Variants in ATP9B observed in about 807,000 individuals in gnomAD.
ATP9B encodes ATPase phospholipid transporting 9B, also known as probable phospholipid-transporting ATPase IIB.
ATP9B carries 110 observed loss-of-function variants against 146.1 expected under a neutral mutation model. The observed-to-expected ratio is 0.75, with a 90% CI of 0.65 to 0.88. The LOEUF (loss-of-function observed/expected upper bound fraction) is 0.88. ATP9B is among the 40% of genes least tolerant of loss of function. ATP9B has a pLI of 0.00. For synonymous variants in ATP9B, 604 were observed against 569.7 expected (o/e 1.06, Z -0.86); for missense variants, 1,499 against 1,496.4 (o/e 1.00, Z -0.03).
At position 79,289,281 on chromosome 18, in the gene ATP9B, C is replaced by T. The variant is rs534603562; in HGVS notation, c.1411+12085C>T. The stretch of plus-strand genomic sequence containing the variant: ...CAGACGGAGATTTGGTCTTTTCACA[C>T]AGTCTCATGTTTCTTGGAGGCTTTG... On this transcript the variant is annotated intron_variant, in intron 13 of 29. Coordinates refer to ENST00000426216, the MANE Select transcript of ATP9B (RefSeq NM_198531.5). Among the ~76,000 whole-genome samples, 175 of 152,328 alleles carry T rather than the reference C, an allele frequency of 1.1e-3. 5 individuals carry two copies. In the South Asian group the frequency reaches 0.035, roughly 31 times the overall value.
chr18:79,285,566 T>C (rs1455686046), intron 13 of ATP9B, among the ~76,000 whole-genome samples: 5 of 152,118 alleles, frequency 3.3e-5, no homozygotes, highest in Non-Finnish European at 7.4e-5. Flanking sequence ...ATTTTGTAGG[T>C]TGCCTGTTCA....
chr18:79,324,636 A>AC (rs2096734203), intron 15 of ATP9B, among the ~76,000 whole-genome samples: 1 of 152,180 alleles, frequency 6.6e-6, no homozygotes, highest in East Asian at 1.9e-4. Flanking sequence ...ACAGGTGCTG[A>AC]CCAGGTACCC....
In ATP9B at chr18:79,252,416, C is replaced by T. The variant is rs73973033; in HGVS notation, c.1108-965C>T. 7.1e-3 allele frequency among the ~76,000 whole-genome samples: 750 copies of T among 104,960 alleles called. 10 individuals carry two copies. Among genetic ancestry groups the T allele is most frequent in the African/African-American group, 0.028 (675 of 23,690 alleles). The allele number at this position is 104,960 out of a possible 152,430, so 68.9% of individuals were successfully genotyped here. On this transcript the variant is annotated intron_variant, in intron 11 of 29. Transcript: ENST00000426216. ...GTCACTTCTCCCACCCTTCCTGCAGCGCCGAGTTCCCTCTCATTCCCCCAG... is the reference window on the plus strand; with the variant it reads ...GTCACTTCTCCCACCCTTCCTGCAGTGCCGAGTTCCCTCTCATTCCCCCAG...
intron 10 of ATP9B, among the ~76,000 whole-genome samples, chr18:79,209,260 G>A (rs1350682793): frequency 1.3e-5 from 2 of 152,310 alleles, no homozygotes; most frequent in Non-Finnish European, 2.9e-5. Context: ...CTGACACATG[G>A]GGAGAAGACT....
chr18:79,274,701 A>G (rs1016898042), intron 12 of ATP9B, among the ~76,000 whole-genome samples: 3 of 152,196 alleles, frequency 2.0e-5, no homozygotes, highest in African/African-American at 7.2e-5. Context: ...TTTCGCTAGT[A>G]AGCTGTAAAC....
At chr18:79,360,504 A>G (rs959857127) in intron 26 of ATP9B, 1 of 152,190 alleles carries the variant, frequency 6.6e-6, no homozygotes, top group Non-Finnish European at 1.5e-5. Flanking sequence ...ACTAGTAACT[A>G]ACAAACGATA....
intron 11 of ATP9B, among the ~76,000 whole-genome samples, chr18:79,228,086 CAT>C (rs2095754355): frequency 6.6e-6 from 1 of 152,202 alleles, no homozygotes; most frequent in Admixed American, 6.5e-5. Flanking sequence ...CAATGCAGGA[CAT>C]ATTAGAGCTA....
At chr18:79,145,996 G>A (rs1355774852) in intron 6 of ATP9B, 5 of 126,780 alleles carry the variant, frequency 3.9e-5, no homozygotes, top group South Asian at 6.2e-5. Flanking sequence ...GGGAGCTGCC[G>A]GTGTGGAGAG....
At chr18:79,190,511 T>TAC (rs68063845) in intron 8 of ATP9B, among the ~76,000 whole-genome samples, 9,180 of 143,550 alleles carry the variant, frequency 0.064, 310 homozygotes, top group Admixed American at 0.1. Context: ...TTTTTATTTA[T>TAC]ACACACACAC....
rs192371314 is a variant in ATP9B at position 79,181,759 on chromosome 18, T to C, written c.873+4852T>C. Among the ~76,000 whole-genome samples the C allele has an allele frequency of 3.7e-3, 560 of 152,346 alleles. 3 individuals are homozygous for C. Among genetic ancestry groups the C allele is most frequent in the South Asian group, 0.024 (115 of 4,826 alleles). ...TCTCTGGATGTTTCATACGTTTCTCTCATTTTTGTTGTTTAAATACCTTTT... is the reference window on the plus strand; with the variant it reads ...TCTCTGGATGTTTCATACGTTTCTCCCATTTTTGTTGTTTAAATACCTTTT... On this transcript the variant is annotated intron_variant, in intron 8 of 29. Transcript: ENST00000426216.
intron 17 of ATP9B, among the ~76,000 whole-genome samples, chr18:79,332,375 G>A (rs867926183): frequency 2.0e-5 from 3 of 152,236 alleles, no homozygotes; most frequent in South Asian, 2.1e-4. Context: ...CTTGCAGTGA[G>A]CCAAGATCGC....
At chr18:79,082,844 C>A (rs1298979926) in intron 1 of ATP9B, among the ~76,000 whole-genome samples, 2 of 152,172 alleles carry the variant, frequency 1.3e-5, no homozygotes, top group African/African-American at 4.8e-5. Context: ...GTCTGTTGAC[C>A]CCTGCTAGGA....
chr18:79,113,404 T>C (rs1568202559), intron 4 of ATP9B, 50 bp downstream of exon 4: 4 of 1,177,050 alleles, frequency 3.4e-6, no homozygotes, highest in Non-Finnish European at 4.9e-6. Flanking sequence ...ATTTAGAATA[T>C]AGTTTTAAGA....
At chr18:79,345,264 T>C (rs1245175721) in intron 21 of ATP9B, among the ~76,000 whole-genome samples, 164 bp from the exon 22 acceptor site, 1 of 152,106 alleles carries the variant, frequency 6.6e-6, no homozygotes, top group Admixed American at 6.5e-5. Flanking sequence ...TTTTTTATTT[T>C]CCCCTGTCCG....
intron 12 of ATP9B, among the ~76,000 whole-genome samples, chr18:79,266,342 A>G (rs762304474): frequency 6.6e-5 from 10 of 152,040 alleles, no homozygotes; most frequent in South Asian, 2.1e-4. Context: ...TAAAAATCCT[A>G]TTGATTTTAT....
intron 12 of ATP9B, among the ~76,000 whole-genome samples, chr18:79,257,431 A>G (rs1361707227): frequency 6.6e-6 from 1 of 152,230 alleles, no homozygotes; most frequent in Non-Finnish European, 1.5e-5. Flanking sequence ...CCTCTTCTTA[A>G]TTGGAGGGGA....
At position 79,326,861 on chromosome 18, in the gene ATP9B, C is replaced by CCTGTGCTGACTGTCCA. The variant is rs113736353; in HGVS notation, c.1774-2258_1774-2243dup. Among the ~76,000 whole-genome samples the CCTGTGCTGACTGTCCA allele has an allele frequency of 4.2e-3, 638 of 152,292 alleles. 5 individuals carry two copies. The highest frequency in any genetic ancestry group is 6.3e-3 in the Non-Finnish European group (427 of 68,016). On this transcript the variant is annotated intron_variant, in intron 15 of 29. Transcript: ENST00000426216. ...GCCCTGGCATCCTCCTGGTGGCCTC[C>CCTGTGCTGACTGTCCA]CTGTGCTGACTGTCCACTGTGCTGA...
At chr18:79,172,211 C>A (rs1164837894) in intron 7 of ATP9B, among the ~76,000 whole-genome samples, 1 of 147,026 alleles carries the variant, frequency 6.8e-6, no homozygotes, top group Non-Finnish European at 1.5e-5. Context: ...CGTGCCCCGC[C>A]CTTGCGATCC....
At chr18:79,241,298 T>C (rs1007155158) in intron 11 of ATP9B, among the ~76,000 whole-genome samples, 1 of 152,196 alleles carries the variant, frequency 6.6e-6, no homozygotes, top group African/African-American at 2.4e-5. Context: ...TTCCATTCTC[T>C]TGCTGCCCCT....
Sources: gnomAD v4.1 joint callset for allele counts (sites outside exome capture counted in the v4.1 genomes callset) on GRCh38, gnomAD v4.1.1 for gene constraint, MANE v1.5 for transcripts, NCBI Gene and HGNC (gene_info 2026-07-23, HGNC 2026-07-21) for gene names.